The following STRAP variants were observed in gnomAD, a reference collection of about 807,000 sequenced individuals.
STRAP encodes serine/threonine kinase receptor associated protein, also known as serine-threonine kinase receptor-associated protein.
STRAP carries 16 observed loss-of-function variants against 47.0 expected under a neutral mutation model. That is an observed-to-expected ratio of 0.34 (90% CI 0.23 to 0.52). The LOEUF is 0.52. Among genes scored for constraint, STRAP ranks in the 20% least tolerant of loss-of-function variants. The probability of loss-of-function intolerance (pLI) is 0.96; values close to 1 mark genes in which losing one functional copy is unlikely to be tolerated. For missense variants in STRAP, 293 were observed against 420.0 expected, an observed-to-expected ratio of 0.70 and a Z score of 2.64; for synonymous variants, 130 against 142.7, an observed-to-expected ratio of 0.91 and a Z score of 0.63.
Position 15,890,736 on chromosome 12 carries a change from T to C in STRAP, c.403+67T>C, listed in dbSNP as rs1948008181. ...TTAATTTAAATAACTGATTAAAGAA[T>C]TTCATGCTCAGTACTCAAATTTGGA... On this transcript the variant is annotated intron_variant, in intron 4 of 9. Transcript: ENST00000419869. This position sits in a 1 kb window ranked among gnomAD's most constrained non-coding sequence, Gnocchi z 4.5. 1 of 1,380,348 alleles carries C rather than the reference T, an allele frequency of 7.2e-7. No homozygotes were observed. Among genetic ancestry groups the C allele is most frequent in the South Asian group, 1.3e-5 (1 of 79,350 alleles). The allele number at this position is 1,380,348 out of a possible 1,614,324, so 85.5% of individuals were successfully genotyped here.
intron 4 of STRAP, among the ~76,000 whole-genome samples, chr12:15,893,458 AATAAAT>A (rs1948033843): frequency 6.8e-6 from 1 of 146,926 alleles, no homozygotes; most frequent in Non-Finnish European, 1.5e-5. Flanking sequence ...TTATACATAT[AATAAAT>A]ATATACTTTT....
In STRAP at chr12:15,899,889, C is replaced by G; in HGVS notation, c.776-15C>G. 1 of 1,607,890 alleles carries G rather than the reference C, an allele frequency of 6.2e-7. No individual in the cohort carries two copies. The highest frequency in any genetic ancestry group is 8.5e-7 in the Non-Finnish European group (1 of 1,177,774). ...CTAATAGTTAAAATTATCTAATAGC[C>G]CTCTTCTTTTTCAGAATCCTACAAG... On this transcript the variant is annotated splice_polypyrimidine_tract_variant and intron_variant, in intron 7 of 9. Transcript: ENST00000419869.
At chr12:15,900,926 T>A in intron 8 of STRAP, 21 bp from the exon 9 acceptor site, 1 of 1,570,690 alleles carries the variant, frequency 6.4e-7, no homozygotes, top group South Asian at 1.2e-5. Context: ...CATATAATCG[T>A]CATTGCTTTT....
At position 15,882,562 on chromosome 12, in the gene STRAP, A is replaced by C; in HGVS notation, c.-146A>C. ...CTCACCCCTCCCTAACCTCGGTGCCACCGGATTGCCCTTCTTTTCCTGTTG... is the reference window on the plus strand; with the variant it reads ...CTCACCCCTCCCTAACCTCGGTGCCCCCGGATTGCCCTTCTTTTCCTGTTG... On this transcript the variant is annotated 5_prime_UTR_variant, in exon 1 of 10. Coordinates refer to ENST00000419869, the MANE Select transcript of STRAP (RefSeq NM_007178.4). 1.8e-6 allele frequency: 1 copy of C among 571,374 alleles called. No homozygotes were observed. Among genetic ancestry groups the C allele is most frequent in the South Asian group, 1.9e-5 (1 of 52,750 alleles). The allele number at this position is 571,374 out of a possible 1,614,324, so 35.4% of individuals were successfully genotyped here.
At chr12:15,902,875 A>G in intron 9 of STRAP, 42 bp from the exon 10 acceptor site, 1 of 1,476,184 alleles carries the variant, frequency 6.8e-7, no homozygotes, top group Non-Finnish European at 8.9e-7. Flanking sequence ...CATTAAGTTG[A>G]CTAATGTGAC....
chr12:15,894,133 A>G lies in STRAP; in HGVS notation c.490A>G (p.Lys164Glu). 1 of 1,612,566 alleles carries G rather than the reference A, an allele frequency of 6.2e-7. No homozygotes were observed. The highest frequency in any genetic ancestry group is 8.5e-7 in the Non-Finnish European group (1 of 1,179,322). The stretch of plus-strand genomic sequence containing the variant: ...TAAACAGATTCTTTCTGCTGATGAC[A>G]AAACTGTTCGGTAAGTAATTTTTCT... ...EDKQILSADD[K>E]TVRLWDHATM... The change falls in exon 5 of 10, where the codon AAA becomes GAA. Residue 164 changes from lysine (K) to glutamate (E), a missense_variant. Coordinates refer to ENST00000419869, the MANE Select transcript of STRAP (RefSeq NM_007178.4). The surrounding 1 kb of genome is among the most constrained non-coding windows in gnomAD (Gnocchi z 4.9).
intron 2 of STRAP, among the ~76,000 whole-genome samples, chr12:15,888,818 C>G (rs1244395599): frequency 6.6e-6 from 1 of 152,062 alleles, no homozygotes; most frequent in Non-Finnish European, 1.5e-5. Context: ...ATGGCAAGAA[C>G]CTACTGTGGG....
At chr12:15,901,711 A>C (rs889204263) in intron 9 of STRAP, among the ~76,000 whole-genome samples, 18 of 152,104 alleles carry the variant, frequency 1.2e-4, no homozygotes, top group African/African-American at 3.9e-4. Flanking sequence ...AAATACAAAA[A>C]TTAGCCGGTC....
chr12:15,890,512 T>G lies in STRAP; in HGVS notation c.331-85T>G. The stretch of plus-strand genomic sequence containing the variant: ...CTCTTTGTGATGTCTGTGAGCTAGA[T>G]TTTGATTTTATTTGGTGTTGAAATT... On this transcript the variant is annotated intron_variant, in intron 3 of 9. Transcript: ENST00000419869. This position sits in a 1 kb window ranked among gnomAD's most constrained non-coding sequence, Gnocchi z 4.5. 1 of 1,134,512 alleles carries G rather than the reference T, an allele frequency of 8.8e-7. No individual in the cohort carries two copies. The highest frequency in any genetic ancestry group is 2.0e-5 in the Admixed American group (1 of 50,704). The allele number at this position is 1,134,512 out of a possible 1,614,324, so 70.3% of individuals were successfully genotyped here.
chr12:15,882,557 G>A lies in STRAP; in HGVS notation c.-151G>A. The A allele has an allele frequency of 1.6e-6, 1 of 642,910 alleles. No individual in the cohort carries two copies. The highest frequency in any genetic ancestry group is 2.7e-6 in the Non-Finnish European group (1 of 368,006). The allele number at this position is 642,910 out of a possible 1,614,324, so 39.8% of individuals were successfully genotyped here. ...CCTCCCTCACCCCTCCCTAACCTCG[G>A]TGCCACCGGATTGCCCTTCTTTTCC... is the stretch of plus-strand genomic sequence containing the variant. On this transcript the variant is annotated 5_prime_UTR_variant, in exon 1 of 10. In the 5' UTR this introduces an upstream ATG that the reference lacks. Coordinates refer to ENST00000419869, the MANE Select transcript of STRAP (RefSeq NM_007178.4).
At chr12:15,893,999 T>TA in intron 4 of STRAP, 48 bp from the exon 5 acceptor site, 2 of 1,388,926 alleles carry the variant, frequency 1.4e-6, no homozygotes, top group Non-Finnish European at 2.0e-6. Flanking sequence ...TTGTTCAGTT[T>TA]AAAAAATCAT....
intron 7 of STRAP, 54 bp downstream of exon 7, chr12:15,898,072 G>T: frequency 6.8e-7 from 1 of 1,478,156 alleles, no homozygotes; most frequent in South Asian, 1.3e-5. Flanking sequence ...TTAAGTCCCA[G>T]TAATTAACAC....
intron 7 of STRAP, among the ~76,000 whole-genome samples, chr12:15,898,901 A>T (rs1948081883): frequency 6.6e-6 from 1 of 152,226 alleles, no homozygotes; most frequent in Non-Finnish European, 1.5e-5. Context: ...GGGAACATTG[A>T]TGCATCTGGG....
intron 9 of STRAP, among the ~76,000 whole-genome samples, chr12:15,901,717 C>T (rs559537669): frequency 6.6e-5 from 10 of 151,718 alleles, no homozygotes; most frequent in South Asian, 6.3e-4. Context: ...AAAAATTAGC[C>T]GGTCATGGTG....
rs757306741 is a variant in STRAP at position 15,900,031 on chromosome 12, C to T, written c.903C>T (p.Gly301=). 6.2e-6 allele frequency: 10 copies of T among 1,612,082 alleles called. No individual in the cohort carries two copies. The Admixed American group carries it at 1.7e-4, about 27-fold the overall frequency. ...LWQTVVGKTY[G]LWKCVLPEED... The stretch of plus-strand genomic sequence containing the variant: ...AAACTGTGGTAGGAAAAACGTATGG[C>T]CTTTGGAAATGTGTGCTTCCTGGTA... The change falls in exon 8 of 10, where the codon GGC becomes GGT. Residue 301 remains glycine, a synonymous_variant. Transcript: ENST00000419869.
intron 2 of STRAP, among the ~76,000 whole-genome samples, chr12:15,884,757 G>GT (rs796265005): frequency 3.4e-4 from 52 of 151,974 alleles, no homozygotes; most frequent in African/African-American, 1.2e-3. Context: ...GATTATTGGT[G>GT]TTTTTTTATT....
intron 7 of STRAP, chr12:15,898,329 TATGTC>T (rs1419138757): frequency 5.5e-6 from 1 of 180,930 alleles, no homozygotes; most frequent in Admixed American, 6.4e-5. Flanking sequence ...GGGGGAATCT[TATGTC>T]AAAGTCATAT....
intron 2 of STRAP, among the ~76,000 whole-genome samples, chr12:15,886,115 A>G (rs969005409): frequency 3.3e-5 from 5 of 152,162 alleles, no homozygotes; most frequent in African/African-American, 1.2e-4. Context: ...TAGAGTGGAA[A>G]ATAATAACAA....
intron 2 of STRAP, 113 bp from the exon 3 acceptor site, chr12:15,889,813 ATG>A (rs1431293881): frequency 2.8e-6 from 2 of 709,252 alleles, no homozygotes; most frequent in African/African-American, 1.8e-5. Context: ...TAATACATTT[ATG>A]TAACATTTCA....
Sources: gnomAD v4.1 joint callset for allele counts (sites outside exome capture counted in the v4.1 genomes callset) on GRCh38, gnomAD v4.1.1 for gene constraint, Gnocchi (gnomAD v3.1) non-coding constraint, MANE v1.5 for transcripts, NCBI Gene and HGNC (gene_info 2026-07-23, HGNC 2026-07-21) for gene names.